Variants in NT5E observed in about 807,000 individuals in gnomAD.
The protein encoded by NT5E is 5'-nucleotidase ecto, also known as 5'-nucleotidase.
Under a neutral mutation model 55.1 loss-of-function variants are expected in NT5E, and 53 were observed. That is an observed-to-expected ratio of 0.96 (90% CI 0.77 to 1.21). The LOEUF (loss-of-function observed/expected upper bound fraction) is 1.21. Ranked by LOEUF, NT5E falls within the 50% of genes most tolerant of loss-of-function variation. NT5E has a pLI of 0.00. For synonymous variants in NT5E, 270 were observed against 278.4 expected (o/e 0.97, Z 0.30); for missense variants, 683 against 724.3 (o/e 0.94, Z 0.65).
intron 1 of NT5E, among the ~76,000 whole-genome samples, chr6:85,457,366 T>C (rs1769009471): frequency 6.6e-6 from 1 of 152,092 alleles, no homozygotes; most frequent in African/African-American, 2.4e-5. Flanking sequence ...ATCTATAAAA[T>C]GGGGGAATTG....
intron 6 of NT5E, 96 bp downstream of exon 6, chr6:85,489,695 T>TGAGGCTGCA: frequency 1.2e-6 from 1 of 827,876 alleles, no homozygotes; most frequent in Non-Finnish European, 2.0e-6. Flanking sequence ...ATGTGCAGCC[T>TGAGGCTGCA]CAGTTCATCT....
At chr6:85,478,591 C>G (rs1428220061) in intron 3 of NT5E, among the ~76,000 whole-genome samples, 2 of 152,152 alleles carry the variant, frequency 1.3e-5, no homozygotes, top group Non-Finnish European at 2.9e-5. Flanking sequence ...GTTACTCAAC[C>G]ACTCTGAGCA....
At chr6:85,451,559 G>T (rs1332556279) in intron 1 of NT5E, among the ~76,000 whole-genome samples, 1 of 152,188 alleles carries the variant, frequency 6.6e-6, no homozygotes, top group Non-Finnish European at 1.5e-5. Context: ...AAAGCCTTGA[G>T]TAAAGGGATT....
At chr6:85,468,124 A>G (rs889428970) in intron 2 of NT5E, among the ~76,000 whole-genome samples, 1 of 152,264 alleles carries the variant, frequency 6.6e-6, no homozygotes, top group East Asian at 1.9e-4. Flanking sequence ...AGTTTTCATT[A>G]AGAACTAACT....
intron 3 of NT5E, among the ~76,000 whole-genome samples, chr6:85,479,233 A>C (rs1323886584): frequency 6.6e-6 from 1 of 152,244 alleles, no homozygotes; most frequent in East Asian, 1.9e-4. Context: ...AAAATGACTA[A>C]ATGTATCTTC....
chr6:85,456,798 A>G (rs1768999979), intron 1 of NT5E, among the ~76,000 whole-genome samples: 1 of 152,218 alleles, frequency 6.6e-6, no homozygotes, highest in Admixed American at 6.5e-5. Context: ...GGGCTAAGGG[A>G]GTAAACGTGG....
intron 5 of NT5E, 138 bp downstream of exon 5, chr6:85,487,627 T>C (rs1017180970): frequency 4.2e-6 from 5 of 1,188,228 alleles, no homozygotes; most frequent in African/African-American, 3.0e-5. Flanking sequence ...GGTGGTGGCA[T>C]GTGCCTATAG....
intron 5 of NT5E, 111 bp from the exon 6 acceptor site, chr6:85,489,383 C>T: frequency 1.3e-6 from 1 of 749,780 alleles, no homozygotes. Flanking sequence ...GGGAACACAG[C>T]AGCAGGTGAA....
chr6:85,474,554 T>C (rs1186578688), intron 3 of NT5E, among the ~76,000 whole-genome samples: 1 of 152,228 alleles, frequency 6.6e-6, no homozygotes, highest in South Asian at 2.1e-4. Context: ...TACTTCACAT[T>C]TCATGATTGC....
rs542628423 is a variant in NT5E, at chr6:85,467,009, T to C, written c.340-51T>C. ...TCAGTTTTGAGAAATACTGGACTAA[T>C]GTTATGTTTTTAAAGCACCTAATTC... On this transcript the variant is annotated intron_variant, in intron 1 of 8. Coordinates refer to ENST00000257770, the MANE Select transcript of NT5E (RefSeq NM_002526.4). 8 of 1,501,420 alleles carry C rather than the reference T, an allele frequency of 5.3e-6. No individual in the cohort carries two copies. The African/African-American group carries it at 1.1e-4, about 21-fold the overall frequency. The allele number at this position is 1,501,420 out of a possible 1,614,324, so 93.0% of individuals were successfully genotyped here.
At chr6:85,459,330 C>T (rs750227657) in intron 1 of NT5E, among the ~76,000 whole-genome samples, 1 of 152,168 alleles carries the variant, frequency 6.6e-6, no homozygotes, top group Non-Finnish European at 1.5e-5. Flanking sequence ...AATGAGCTAG[C>T]GTGTAAGTGA....
In NT5E at chr6:85,452,641, A is replaced by C. The variant is rs1402036241; in HGVS notation, c.339+2163A>C. 2.6e-5 allele frequency among the ~76,000 whole-genome samples: 4 copies of C among 152,280 alleles called. No individual in the cohort carries two copies. The East Asian group carries it at 5.8e-4, about 22-fold the overall frequency. On this transcript the variant is annotated intron_variant, in intron 1 of 8. Coordinates refer to ENST00000257770, the MANE Select transcript of NT5E (RefSeq NM_002526.4). ...TGTGTCCTCAGGACTTACTCTGTGC[A>C]GTTTGGGGGTGTGTCAAACATGATT... is the stretch of plus-strand genomic sequence containing the variant.
At chr6:85,455,905 T>TTG (rs762931154) in intron 1 of NT5E, among the ~76,000 whole-genome samples, 28 of 152,118 alleles carry the variant, frequency 1.8e-4, no homozygotes, top group African/African-American at 4.8e-4. Context: ...AAAAAGCAGT[T>TTG]TGTGTGTATG....
At chr6:85,481,180 C>T (rs1258574139) in intron 3 of NT5E, among the ~76,000 whole-genome samples, 1 of 152,214 alleles carries the variant, frequency 6.6e-6, no homozygotes, top group African/African-American at 2.4e-5. Context: ...ATTCTAGAGA[C>T]ACAGCTGCCC....
intron 1 of NT5E, among the ~76,000 whole-genome samples, chr6:85,455,771 A>G (rs900674284): frequency 6.6e-6 from 1 of 152,174 alleles, no homozygotes; most frequent in Non-Finnish European, 1.5e-5. Context: ...GTCTTGAGAT[A>G]GTATCAGAAT....
chr6:85,492,231 A>C, intron 8 of NT5E, 54 bp downstream of exon 8: 1 of 1,559,760 alleles, frequency 6.4e-7, no homozygotes, highest in Non-Finnish European at 8.8e-7. Context: ...TGGGCCAAGA[A>C]GGGGAGCTAC....
intron 1 of NT5E, among the ~76,000 whole-genome samples, chr6:85,461,314 G>T (rs141861933): frequency 1.6e-3 from 250 of 152,260 alleles, no homozygotes; most frequent in Middle Eastern, 3.4e-3. Context: ...TGGAAAAAAG[G>T]TTACAAAACA....
chr6:85,470,491 C>G (rs1178757172), intron 2 of NT5E, among the ~76,000 whole-genome samples: 1 of 152,160 alleles, frequency 6.6e-6, no homozygotes, highest in Non-Finnish European at 1.5e-5. Context: ...GCTCTTGTTG[C>G]CCAGGCTGGA....
At chr6:85,473,318 T>C (rs1397209866) in intron 3 of NT5E, among the ~76,000 whole-genome samples, 4 of 152,126 alleles carry the variant, frequency 2.6e-5, no homozygotes, top group African/African-American at 9.7e-5. Flanking sequence ...GTCACTGTGA[T>C]TTAATATGTG....
Sources: allele counts gnomAD v4.1 joint callset (sites outside exome capture counted in the v4.1 genomes callset), GRCh38; gene constraint gnomAD v4.1.1; transcripts MANE v1.5; gene names NCBI Gene and HGNC (gene_info 2026-07-23, HGNC 2026-07-21).